The following WNK1 variants were observed in gnomAD, a reference collection of about 807,000 sequenced individuals.
The protein encoded by WNK1 is WNK lysine deficient protein kinase 1.
Under a neutral mutation model 222.8 loss-of-function variants are expected in WNK1, and 38 were observed. The observed-to-expected ratio is 0.17, with a 90% CI of 0.13 to 0.22. WNK1 has a LOEUF of 0.22. Ranked by LOEUF, WNK1 falls within the 10% of genes least tolerant of loss-of-function variation. The probability of loss-of-function intolerance (pLI) is 1.00; values close to 1 mark genes in which losing one functional copy is unlikely to be tolerated. For synonymous variants in WNK1, 1,090 were observed against 1,092.9 expected, an observed-to-expected ratio of 1.00 and a Z score of 0.05; for missense variants, 2,348 against 2,918.4, an observed-to-expected ratio of 0.80 and a Z score of 4.50.
Position 761,105 on chromosome 12 carries a change from T to C in WNK1, c.759+6781T>C, listed in dbSNP as rs1008852573. On this transcript the variant is annotated intron_variant, in intron 1 of 27. Transcript: ENST00000315939. ...TGGTCTATATGTAGTTTTTAAAAGATTGGTTATTTGTGATTTTTACATAAG... is the reference window on the plus strand; with the variant it reads ...TGGTCTATATGTAGTTTTTAAAAGACTGGTTATTTGTGATTTTTACATAAG... Among the ~76,000 whole-genome samples, 5 of 147,378 alleles carry C rather than the reference T, an allele frequency of 3.4e-5. 1 individual carries two copies. The highest frequency in any genetic ancestry group is 3.4e-4 in the Admixed American group (5 of 14,800).
chr12:804,182 C>G (rs893899973), intron 1 of WNK1, among the ~76,000 whole-genome samples: 1 of 151,982 alleles, frequency 6.6e-6, no homozygotes, highest in Non-Finnish European at 1.5e-5. Flanking sequence ...TCCCTGCCTC[C>G]CCTGTCCTGA....
chr12:808,498 G>A (rs955195319), intron 1 of WNK1, among the ~76,000 whole-genome samples: 2 of 149,982 alleles, frequency 1.3e-5, no homozygotes, highest in East Asian at 1.9e-4. Context: ...AGAACTAAAT[G>A]TGTTTTTTTT....
At chr12:872,884 T>C (rs886271266) in intron 9 of WNK1, among the ~76,000 whole-genome samples, 1 of 152,250 alleles carries the variant, frequency 6.6e-6, no homozygotes, top group Non-Finnish European at 1.5e-5. Flanking sequence ...TTAAAGGCAC[T>C]TTCTACAGAA....
chr12:790,857 T>C (rs974597115), intron 1 of WNK1, among the ~76,000 whole-genome samples: 1 of 152,202 alleles, frequency 6.6e-6, no homozygotes, highest in Non-Finnish European at 1.5e-5. Context: ...CTTCTGGTTC[T>C]TTCTGCCTGA....
rs529312629 is a variant in WNK1 at position 764,634 on chromosome 12, C to CAA, written c.759+10329_759+10330dup. On this transcript the variant is annotated intron_variant, in intron 1 of 27. Coordinates refer to ENST00000315939, the MANE Select transcript of WNK1 (RefSeq NM_018979.4). ...CTGGGCAACGAGCGAAACTCCGTCTCAAAAAAAAAAAAAAAAAAAAGAAAG... is the reference window on the plus strand; with the variant it reads ...CTGGGCAACGAGCGAAACTCCGTCTCAAAAAAAAAAAAAAAAAAAAAAGAAAG... Among the ~76,000 whole-genome samples the CAA allele has an allele frequency of 9.6e-3, 482 of 50,010 alleles. 18 individuals are homozygous for CAA. The highest frequency in any genetic ancestry group is 0.055 in the East Asian group (100 of 1,820). 32.8% of individuals were successfully genotyped at this position (50,010 alleles called of 152,430 possible). A position where few individuals can be genotyped will look rare whatever the true frequency, so the allele number is the denominator to read the frequency against.
intron 1 of WNK1, among the ~76,000 whole-genome samples, chr12:808,760 TC>T (rs1431270693): frequency 9.2e-6 from 1 of 108,240 alleles, no homozygotes; most frequent in Non-Finnish European, 1.9e-5. Flanking sequence ...TGTATCTCTC[TC>T]TTTTTTTTTT....
In WNK1 at chr12:861,170, T is replaced by C; in HGVS notation, c.1778T>C (p.Val593Ala). The C allele has an allele frequency of 6.2e-7, 1 of 1,612,862 alleles. No homozygotes were observed. ...GAAGAGAGCAGTCTCAAACAGCAGG[T>C]AGAACAATCCAGTGCTTCCCAGACA... ...KQEESSLKQQVEQSSASQTGI... is the reference protein window; with the variant it reads ...KQEESSLKQQAEQSSASQTGI... Residue 593 changes from valine (V) to alanine (A), a missense_variant, in exon 7 of 28, where the codon GTA becomes GCA. Around this residue, in one of 13 missense-constraint regions of WNK1, gnomAD observed 103 missense variants for 111.5 expected, o/e 0.92. Transcript: ENST00000315939.
Position 911,414 on chromosome 12 carries a change from A to G in WNK1, c.*2622A>G. 1 of 398,614 alleles carries G rather than the reference A, an allele frequency of 2.5e-6. No homozygotes were observed. 24.7% of individuals were successfully genotyped at this position (398,614 alleles called of 1,614,324 possible). Reference sequence around the variant, plus strand: ...GTTTGTTACCTTTGTAGACTTATTTAATGAAACCATTCAAATAAACCAAAC... The same window carrying G: ...GTTTGTTACCTTTGTAGACTTATTTGATGAAACCATTCAAATAAACCAAAC... On this transcript the variant is annotated 3_prime_UTR_variant, in exon 28 of 28. Transcript: ENST00000315939.
intron 8 of WNK1, chr12:864,988 T>G: frequency 3.8e-6 from 5 of 1,314,606 alleles, no homozygotes; most frequent in Non-Finnish European, 5.0e-6. Context: ...AAAACTGACT[T>G]TGTGGAATTG....
intron 14 of WNK1, 119 bp downstream of exon 14, chr12:882,192 TGACA>T (rs897895765): frequency 8.1e-7 from 1 of 1,229,688 alleles, no homozygotes; most frequent in East Asian, 2.6e-5. Context: ...TATCTGTGTG[TGACA>T]GATAATTTTT....
intron 8 of WNK1, among the ~76,000 whole-genome samples, chr12:862,688 T>C (rs551458117): frequency 4.6e-5 from 7 of 152,358 alleles, no homozygotes; most frequent in African/African-American, 1.7e-4. Context: ...CAAACCATTA[T>C]AGAATGCTGC....
rs1357145464 is a variant in WNK1 at position 881,794 on chromosome 12, G to A, written c.3209+5G>A. 4 of 1,613,962 alleles carry A rather than the reference G, an allele frequency of 2.5e-6. No homozygotes were observed. The highest frequency in any genetic ancestry group is 3.4e-6 in the Non-Finnish European group (4 of 1,179,944). Reference sequence around the variant, plus strand: ...TTTGGCTTCCTCTGTAGACAGGTACGTAAAACTAGAATTCTCCTTCCTTGA... The same window carrying A: ...TTTGGCTTCCTCTGTAGACAGGTACATAAAACTAGAATTCTCCTTCCTTGA... On this transcript the variant is annotated splice_donor_5th_base_variant and intron_variant, in intron 13 of 27. Transcript: ENST00000315939.
chr12:908,111 T>TA (rs1177141280), intron 27 of WNK1, 77 bp downstream of exon 27: 3 of 1,530,876 alleles, frequency 2.0e-6, no homozygotes, highest in Non-Finnish European at 2.7e-6. Context: ...AGCTGCTGCT[T>TA]AACGTCTTAC....
chr12:805,199 C>T (rs916167617), intron 1 of WNK1, among the ~76,000 whole-genome samples: 7 of 152,144 alleles, frequency 4.6e-5, no homozygotes, highest in East Asian at 3.9e-4. Flanking sequence ...GAGGAACTAT[C>T]GTGCTCTTTT....
At chr12:875,321 G>T (rs75890486) in intron 9 of WNK1, among the ~76,000 whole-genome samples, 2 of 152,028 alleles carry the variant, frequency 1.3e-5, no homozygotes, top group Non-Finnish European at 2.9e-5. Context: ...GACCTTTATC[G>T]TACTCTCATA....
At chr12:805,531 C>T (rs1946298687) in intron 1 of WNK1, among the ~76,000 whole-genome samples, 1 of 152,184 alleles carries the variant, frequency 6.6e-6, no homozygotes, top group Non-Finnish European at 1.5e-5. Context: ...TTAAAACCTA[C>T]TAAAATTAAT....
intron 4 of WNK1, among the ~76,000 whole-genome samples, chr12:850,621 G>A (rs1312590151): frequency 6.6e-6 from 1 of 152,150 alleles, no homozygotes; most frequent in Non-Finnish European, 1.5e-5. Flanking sequence ...TGCTTTTGGT[G>A]TTTTAGACAT....
chr12:811,068 A>T (rs1042473246), intron 1 of WNK1, among the ~76,000 whole-genome samples: 5 of 152,218 alleles, frequency 3.3e-5, no homozygotes, highest in African/African-American at 1.2e-4. Flanking sequence ...TTGGGATAGT[A>T]TAGTATATTA....
Position 877,692 on chromosome 12 carries a change from T to C in WNK1, c.2224-520T>C, listed in dbSNP as rs189808186. ...AAATATTAAAGCTAAAATTTGAAAA[T>C]GTCTGTTATTCCAAATCCAGTGCTT... is the stretch of plus-strand genomic sequence containing the variant. On this transcript the variant is annotated intron_variant, in intron 9 of 27. Transcript: ENST00000315939. Among the ~76,000 whole-genome samples the C allele has an allele frequency of 5.8e-4, 88 of 152,268 alleles. 2 individuals carry two copies. Among genetic ancestry groups the C allele is most frequent in the Admixed American group, 5.7e-3 (87 of 15,296 alleles).
Sources: gnomAD v4.1 joint callset for allele counts (sites outside exome capture counted in the v4.1 genomes callset) on GRCh38, gnomAD v4.1.1 for gene constraint, gnomAD v4.1.1 regional missense constraint, MANE v1.5 for transcripts, NCBI Gene and HGNC (gene_info 2026-07-23, HGNC 2026-07-21) for gene names.